The following TEAD2 variants were observed in gnomAD, a reference collection of about 807,000 sequenced individuals.
TEAD2 encodes TEA domain transcription factor 2.
A neutral mutation model predicts 61.4 loss-of-function variants in TEAD2; 51 were observed. That is an observed-to-expected ratio of 0.83 (90% confidence interval 0.66 to 1.05). TEAD2 has a LOEUF of 1.05. Ranked by LOEUF, TEAD2 falls within the 50% of genes least tolerant of loss-of-function variation. The pLI, the probability that TEAD2 is intolerant of heterozygous loss-of-function variation, is 0.00. For missense variants in TEAD2, 509 were observed against 600.0 expected (o/e 0.85, Z 1.58); for synonymous variants, 244 against 243.2 (o/e 1.00, Z -0.03).
intron 10 of TEAD2, 113 bp downstream of exon 10, chr19:49,347,077 G>C: frequency 7.2e-7 from 1 of 1,389,246 alleles, no homozygotes; most frequent in Non-Finnish European, 9.9e-7. Flanking sequence ...GGACTGACTG[G>C]TAAGTCCCAG....
At position 49,341,329 on chromosome 19, in the gene TEAD2, C is replaced by T; in HGVS notation, c.1351G>A (p.Asp451Asn). ...AQHHIYRLVRD is the reference protein window; with the variant it reads ...AQHHIYRLVRN ...GCCAGTTTTGGGGTCCCCCTTCAGT[C>T]CCTGACCAGGCGGTAAATGTGATGC... The change falls in exon 13 of 13, where the codon GAC becomes AAC. Residue 451 changes from aspartate (D) to asparagine (N), a missense_variant. Asp to Asn is a conservative substitution (Grantham distance 23, BLOSUM62 1). Transcript: ENST00000593945. The surrounding 1 kb of genome is among the most constrained non-coding windows in gnomAD (Gnocchi z 4.2). 16 of 1,613,822 alleles carry T rather than the reference C, an allele frequency of 9.9e-6. No individual in the cohort carries two copies. The highest frequency in any genetic ancestry group is 1.4e-5 in the Non-Finnish European group (16 of 1,179,850).
chr19:49,352,495 G>A (rs1419252107), intron 7 of TEAD2, among the ~76,000 whole-genome samples: 2 of 152,100 alleles, frequency 1.3e-5, no homozygotes, highest in Non-Finnish European at 2.9e-5. Context: ...GATCGCTTGA[G>A]CCCAGGAGTT....
Position 49,341,482 on chromosome 19 carries a change from G to C in TEAD2, c.1243-45C>G. The C allele has an allele frequency of 6.5e-7, 1 of 1,534,484 alleles. No homozygotes were observed. The highest frequency in any genetic ancestry group is 9.0e-7 in the Non-Finnish European group (1 of 1,110,108). ...AAGGGACTTATGCTTAGAAGGGAGG[G>C]CAGGGACCCCTGTGCCCCCCTGCCA... On this transcript the variant is annotated intron_variant, in intron 12 of 12. Coordinates refer to ENST00000593945, the MANE Select transcript of TEAD2 (RefSeq NM_001256660.2). The surrounding 1 kb of genome is among the most constrained non-coding windows in gnomAD (Gnocchi z 4.2).
At chr19:49,356,394 A>C (rs986541015) in intron 4 of TEAD2, 2 of 153,974 alleles carry the variant, frequency 1.3e-5, no homozygotes, top group Admixed American at 1.3e-4. Context: ...AAAAAAAAAA[A>C]AAAAAACCAG....
intron 1 of TEAD2, 29 bp from the exon 2 acceptor site, chr19:49,360,110 C>T: frequency 1.3e-6 from 2 of 1,553,642 alleles, no homozygotes; most frequent in Admixed American, 1.7e-5. Flanking sequence ...CAGCAAGCTT[C>T]CCCCAAACCC....
rs1034994896 is a variant in TEAD2, at chr19:49,347,104, C to T, written c.921+86G>A. On this transcript the variant is annotated intron_variant, in intron 10 of 12. Coordinates refer to ENST00000593945, the MANE Select transcript of TEAD2 (RefSeq NM_001256660.2). The stretch of plus-strand genomic sequence containing the variant: ...AAGTCCCAGGCTGACCTGGTAGGGC[C>T]CGCGACAGATTCTCTCAGGGCCAGA... The T allele has an allele frequency of 2.8e-5, 43 of 1,540,550 alleles. No individual in the cohort carries two copies. In the African/African-American group the frequency reaches 5.4e-4, roughly 19 times the overall value.
chr19:49,346,183 A>T (rs1380021575), intron 10 of TEAD2, among the ~76,000 whole-genome samples: 263 of 147,804 alleles, frequency 1.8e-3, no homozygotes, highest in African/African-American at 6.1e-3. Context: ...AAAAAAAAAA[A>T]AACAATAAAA....
At chr19:49,357,513 AC>A (rs1371485749) in intron 3 of TEAD2, 199 bp from the exon 4 acceptor site, 1 of 618,296 alleles carries the variant, frequency 1.6e-6, no homozygotes, top group African/African-American at 1.8e-5. Flanking sequence ...CCCTCCCGGG[AC>A]CCATCCCATC....
chr19:49,355,366 G>C lies in TEAD2; in HGVS notation c.426C>G (p.Ala142=). Residue 142 remains alanine, a synonymous_variant, in exon 6 of 13, where the codon GCC becomes GCG. Coordinates refer to ENST00000593945, the MANE Select transcript of TEAD2 (RefSeq NM_001256660.2). ...GCAGAGAAGGCGCGGAGATGAGCTG[G>C]GCAGAGGACATGGTTGCCATTGTCT... is the stretch of plus-strand genomic sequence containing the variant. The part of the protein sequence containing the change: ...AFQTMATMSS[A]QLISAPSLQA... 1.2e-6 allele frequency: 2 copies of C among 1,614,204 alleles called. No homozygotes were observed. The highest frequency in any genetic ancestry group is 1.1e-5 in the South Asian group (1 of 91,078).
intron 10 of TEAD2, among the ~76,000 whole-genome samples, chr19:49,345,089 G>A (rs1568560888): frequency 6.6e-6 from 1 of 152,114 alleles, no homozygotes; most frequent in Non-Finnish European, 1.5e-5. Flanking sequence ...TTCCTAAGGG[G>A]GTGGCTCTCC....
chr19:49,343,751 A>C (rs1431537115), intron 10 of TEAD2, among the ~76,000 whole-genome samples: 1 of 150,774 alleles, frequency 6.6e-6, no homozygotes, highest in Non-Finnish European at 1.5e-5. Flanking sequence ...AAAAAAAAAA[A>C]ACACAGTGGG....
At chr19:49,354,999 G>A (rs1972279371) in intron 7 of TEAD2, 149 bp downstream of exon 7, 25 of 534,978 alleles carry the variant, frequency 4.7e-5, no homozygotes, top group South Asian at 3.4e-4. Flanking sequence ...AAGACTCCAT[G>A]TCAATAAATA....
rs372762598 is a variant in TEAD2 at position 49,347,301 on chromosome 19, G to C, written c.810C>G (p.Leu270=). ...QHCPSPGAPP[L]ESVDVRQIYD... ...AGATCTGCCGGACGTCCACACTCTC[G>C]AGCGGCGGCGCTCCGGGGCTGGGGC... Residue 270 remains leucine, a synonymous_variant, in exon 10 of 13, where the codon CTC becomes CTG. Coordinates refer to ENST00000593945, the MANE Select transcript of TEAD2 (RefSeq NM_001256660.2). 2.5e-6 allele frequency: 4 copies of C among 1,613,554 alleles called. No individual in the cohort carries two copies. The highest frequency in any genetic ancestry group is 1.7e-5 in the Admixed American group (1 of 59,998).
At chr19:49,342,813 C>A (rs1001044638) in intron 11 of TEAD2, among the ~76,000 whole-genome samples, 6 of 152,066 alleles carry the variant, frequency 3.9e-5, no homozygotes, top group African/African-American at 1.4e-4. Flanking sequence ...CAAAGTGATT[C>A]TCTGAACCCC....
chr19:49,360,453 G>A lies in TEAD2; in HGVS notation c.-6-372C>T, dbSNP rs1004384139. 7 of 269,560 alleles carry A rather than the reference G, an allele frequency of 2.6e-5. 1 individual carries two copies. Among genetic ancestry groups the A allele is most frequent in the East Asian group, 7.4e-5 (1 of 13,544 alleles). The allele number at this position is 269,560 out of a possible 1,614,324, so 16.7% of individuals were successfully genotyped here. A position where few individuals can be genotyped will look rare whatever the true frequency, so the allele number is the denominator to read the frequency against. Reference sequence around the variant, plus strand: ...GGGAGGAGAAGGAGCTGGATTTCTTGGAAAGCTGAGGATGGGAGTGTTCTC... The same window carrying A: ...GGGAGGAGAAGGAGCTGGATTTCTTAGAAAGCTGAGGATGGGAGTGTTCTC... On this transcript the variant is annotated intron_variant, in intron 1 of 12. Transcript: ENST00000593945.
intron 7 of TEAD2, among the ~76,000 whole-genome samples, chr19:49,353,314 G>A (rs997201425): frequency 2.0e-5 from 3 of 151,878 alleles, no homozygotes; most frequent in Non-Finnish European, 4.4e-5. Flanking sequence ...GGACAGGCTG[G>A]TCTCGAACTC....
chr19:49,355,426 G>A lies in TEAD2; in HGVS notation c.373-7C>T. 6.2e-7 allele frequency: 1 copy of A among 1,612,952 alleles called. No homozygotes were observed. The highest frequency in any genetic ancestry group is 1.3e-5 in the African/African-American group (1 of 75,006). On this transcript the variant is annotated splice_region_variant and splice_polypyrimidine_tract_variant and intron_variant, in intron 5 of 12. Coordinates refer to ENST00000593945, the MANE Select transcript of TEAD2 (RefSeq NM_001256660.2). ...TGTCCTTGGAAACCTGGTCCTGGAG[G>A]AGGAGGCGGAAGTTCATGTGAGAGG...
chr19:49,351,450 C>T, intron 7 of TEAD2, 85 bp from the exon 8 acceptor site: 4 of 1,288,524 alleles, frequency 3.1e-6, no homozygotes, highest in South Asian at 1.4e-5. Flanking sequence ...CCACAACAAG[C>T]AAGACCCTGT....
At chr19:49,360,228 G>GA (rs1972744608) in intron 1 of TEAD2, 147 bp from the exon 2 acceptor site, 4 of 656,654 alleles carry the variant, frequency 6.1e-6, no homozygotes, top group African/African-American at 1.8e-5. Flanking sequence ...GAGGAGCTGG[G>GA]GGGTATTCCT....
Sources: gnomAD v4.1 joint callset for allele counts (sites outside exome capture counted in the v4.1 genomes callset) on GRCh38, gnomAD v4.1.1 for gene constraint, Gnocchi (gnomAD v3.1) non-coding constraint, MANE v1.5 for transcripts, NCBI Gene and HGNC (gene_info 2026-07-23, HGNC 2026-07-21) for gene names.